The following SRPK2 variants were observed in gnomAD, a reference collection of about 807,000 sequenced individuals.
SRPK2 encodes the protein SFRS protein kinase 2.
In SRPK2, 21 loss-of-function variants were observed where a neutral mutation model predicts 90.8. That is an observed-to-expected ratio of 0.23 (90% CI 0.16 to 0.33). The LOEUF is 0.33. SRPK2 is among the 10% of genes least tolerant of loss of function. The pLI, the probability that SRPK2 is intolerant of heterozygous loss-of-function variation, is 1.00. For synonymous variants in SRPK2, 288 were observed against 311.1 expected, an observed-to-expected ratio of 0.93 and a Z score of 0.78; for missense variants, 620 against 869.0, an observed-to-expected ratio of 0.71 and a Z score of 3.60.
intron 2 of SRPK2, chr7:105,301,599 AAGTTC>A: frequency 1.9e-6 from 3 of 1,604,116 alleles, no homozygotes; most frequent in Non-Finnish European, 2.6e-6. Context: ...TCCGGGAATT[AAGTTC>A]AGTTTCTTTT....
chr7:105,240,266 T>C (rs1041061947), intron 2 of SRPK2, among the ~76,000 whole-genome samples: 1 of 152,182 alleles, frequency 6.6e-6, no homozygotes, highest in Admixed American at 6.5e-5. Context: ...ATGAGAGCTA[T>C]GTGTTGGTGA....
intron 2 of SRPK2, among the ~76,000 whole-genome samples, chr7:105,335,649 T>C (rs1265143158): frequency 5.4e-5 from 8 of 147,428 alleles, no homozygotes; most frequent in African/African-American, 2.0e-4. Context: ...AAGACCATCT[T>C]TTAAAAAAAA....
At chr7:105,375,029 A>G (rs1364046017) in intron 2 of SRPK2, among the ~76,000 whole-genome samples, 1 of 152,192 alleles carries the variant, frequency 6.6e-6, no homozygotes, top group Non-Finnish European at 1.5e-5. Context: ...AAGGAAATAT[A>G]ACAAAATATT....
intron 15 of SRPK2, among the ~76,000 whole-genome samples, chr7:105,119,449 C>T (rs1800020752): frequency 6.6e-6 from 1 of 152,228 alleles, no homozygotes; most frequent in Non-Finnish European, 1.5e-5. Context: ...AGTGTTCTTA[C>T]ACACTAGTAT....
At chr7:105,253,665 G>A (rs973654044) in intron 2 of SRPK2, among the ~76,000 whole-genome samples, 1 of 152,072 alleles carries the variant, frequency 6.6e-6, no homozygotes, top group East Asian at 1.9e-4. Flanking sequence ...CAGAGAGCAC[G>A]CCCCTGTCCC....
chr7:105,280,685 C>A (rs1198094194), intron 2 of SRPK2, among the ~76,000 whole-genome samples: 1 of 150,426 alleles, frequency 6.6e-6, no homozygotes, highest in East Asian at 2.0e-4. Context: ...CAGTGGCTCA[C>A]CCCTGTAATC....
In SRPK2 at chr7:105,208,299, C is replaced by T. The variant is rs571471449; in HGVS notation, c.72-4514G>A. Among the ~76,000 whole-genome samples, 18 of 152,060 alleles carry T rather than the reference C, an allele frequency of 1.2e-4. No individual in the cohort carries two copies. In the South Asian group the frequency reaches 3.5e-3, roughly 30 times the overall value. On this transcript the variant is annotated intron_variant, in intron 2 of 15. Transcript: ENST00000393651. ...AACAATTCCACTCCCAAGTATATAC[C>T]CAAGAGAAATGAAAGCATATATCCA...
At chr7:105,188,942 G>A (rs1187984175) in intron 3 of SRPK2, among the ~76,000 whole-genome samples, 1 of 152,120 alleles carries the variant, frequency 6.6e-6, no homozygotes, top group Non-Finnish European at 1.5e-5. Context: ...AGCATAAAAG[G>A]AAAAAAACCC....
At chr7:105,137,774 C>T (rs1261165891) in intron 11 of SRPK2, among the ~76,000 whole-genome samples, 1 of 152,198 alleles carries the variant, frequency 6.6e-6, no homozygotes, top group Non-Finnish European at 1.5e-5. Context: ...TGGCCCCAGT[C>T]TTTCTTCTAC....
intron 2 of SRPK2, among the ~76,000 whole-genome samples, chr7:105,324,128 C>G (rs571949498): frequency 8.5e-4 from 128 of 151,192 alleles, no homozygotes; most frequent in African/African-American, 2.9e-3. Context: ...TCCCAAGTAG[C>G]TGGGATTACA....
intron 7 of SRPK2, among the ~76,000 whole-genome samples, chr7:105,154,041 A>T (rs1219303826): frequency 1.3e-5 from 2 of 152,208 alleles, no homozygotes; most frequent in Non-Finnish European, 2.9e-5. Context: ...ATAAAAGAGG[A>T]CAAGAGCCAG....
chr7:105,362,737 A>C (rs1203932410), intron 2 of SRPK2, among the ~76,000 whole-genome samples: 1 of 152,160 alleles, frequency 6.6e-6, no homozygotes, highest in Non-Finnish European at 1.5e-5. Flanking sequence ...CTATAAAGAC[A>C]CATGTACATG....
intron 2 of SRPK2, among the ~76,000 whole-genome samples, chr7:105,364,405 G>GAGTTTTTTTTTTTTTTTTT: frequency 7.5e-6 from 1 of 133,926 alleles, no homozygotes; most frequent in African/African-American, 2.7e-5. Flanking sequence ...CGTGTGTAAC[G>GAGTTTTTTTTTTTTTTTTT]TTTTTTTTTT....
Position 105,116,428 on chromosome 7 carries a change from CAAA to C in SRPK2, c.*1407_*1409del, listed in dbSNP as rs1799632260. On this transcript the variant is annotated 3_prime_UTR_variant, in exon 16 of 16. Transcript: ENST00000393651. ...ATTTTTAAGACAACTGCAAGCACCT[CAAA>C]CAATGGATTATTGTTACAACACTTG... 3 of 152,108 alleles carry C rather than the reference CAAA, an allele frequency of 2.0e-5. No homozygotes were observed. The highest frequency in any genetic ancestry group is 4.4e-5 in the Non-Finnish European group (3 of 67,940). The allele number at this position is 152,108 out of a possible 1,614,324, so 9.4% of individuals were successfully genotyped here. A position where few individuals can be genotyped will look rare whatever the true frequency, so the allele number is the denominator to read the frequency against.
chr7:105,283,865 G>A (rs969043150), intron 2 of SRPK2, among the ~76,000 whole-genome samples: 3 of 151,952 alleles, frequency 2.0e-5, no homozygotes, highest in Non-Finnish European at 4.4e-5. Context: ...GAGTGGTGGT[G>A]TACGCCTGTG....
At chr7:105,180,956 T>C (rs761937334) in intron 3 of SRPK2, among the ~76,000 whole-genome samples, 12 of 152,004 alleles carry the variant, frequency 7.9e-5, no homozygotes, top group Non-Finnish European at 1.5e-4. Flanking sequence ...ATGGCAGAAA[T>C]ATTTACAAAC....
At chr7:105,305,459 C>T (rs1008068784) in intron 2 of SRPK2, among the ~76,000 whole-genome samples, 8 of 152,078 alleles carry the variant, frequency 5.3e-5, no homozygotes, top group Non-Finnish European at 1.2e-4. Context: ...TTTTCTGCTG[C>T]CTACTAGTTT....
chr7:105,357,260 C>G (rs539773236), intron 2 of SRPK2, among the ~76,000 whole-genome samples: 1 of 151,948 alleles, frequency 6.6e-6, no homozygotes, highest in African/African-American at 2.4e-5. Context: ...AGGATGGTCT[C>G]GATCTCCTGA....
intron 13 of SRPK2, 76 bp downstream of exon 13, chr7:105,132,715 G>T: frequency 8.2e-7 from 1 of 1,221,726 alleles, no homozygotes; most frequent in Non-Finnish European, 1.2e-6. Flanking sequence ...GCATGCCTCA[G>T]AGAGACTCAG....
Sources: allele counts gnomAD v4.1 joint callset (sites outside exome capture counted in the v4.1 genomes callset), GRCh38; gene constraint gnomAD v4.1.1; transcripts MANE v1.5; gene names NCBI Gene and HGNC (gene_info 2026-07-23, HGNC 2026-07-21).